Variants in FAAH2 observed in about 807,000 individuals in gnomAD.
FAAH2 encodes fatty acid amide hydrolase 2, also known as fatty-acid amide hydrolase 2.
FAAH2 carries 60 observed loss-of-function variants against 36.9 expected under a neutral mutation model. The observed-to-expected ratio is 1.63, with a 90% CI of 1.32 to 2.02. The LOEUF is 2.02. Among genes scored for constraint, FAAH2 ranks in the 30% most tolerant of loss-of-function variants. The pLI, the probability that FAAH2 is intolerant of heterozygous loss-of-function variation, is 0.00. For missense variants in FAAH2, 689 were observed against 397.5 expected (o/e 1.73, Z -6.23); for synonymous variants, 214 against 143.8 (o/e 1.49, Z -3.49).
chrX:57,204,211 C>A, the FAAH2 span, among the ~76,000 whole-genome samples: 1 of 111,408 alleles, frequency 9.0e-6, no homozygotes, highest in Non-Finnish European at 1.9e-5. Context: ...AGGTCCAAAT[C>A]TGTTTACAAA....
rs1401690162 is a variant in FAAH2 at position 57,400,267 on chromosome X, A to T, written c.996+19238A>T. 6.3e-5 allele frequency among the ~76,000 whole-genome samples: 7 copies of T among 111,969 alleles called. No individual in the cohort carries two copies. The East Asian group carries it at 2.0e-3, about 31-fold the overall frequency. On this transcript the variant is annotated intron_variant, in intron 7 of 10. Transcript: ENST00000374900. ...CACAGTAAGATCTCTTCCCTGTGTC[A>T]TTTTAACTGCTTCAGATACTGAGAC...
At chrX:57,164,759 C>G in the FAAH2 span, among the ~76,000 whole-genome samples, 3 of 112,591 alleles carry the variant, frequency 2.7e-5, no homozygotes, top group Admixed American at 2.8e-4. Flanking sequence ...ATTAAATAAA[C>G]ACACATTTTG....
the FAAH2 span, among the ~76,000 whole-genome samples, chrX:57,271,213 T>A: frequency 8.9e-6 from 1 of 112,657 alleles, no homozygotes; most frequent in Non-Finnish European, 1.9e-5. Context: ...AAACAAAGCT[T>A]CTGGGAAGTT....
chrX:57,203,513 G>T, the FAAH2 span, among the ~76,000 whole-genome samples: 3 of 111,647 alleles, frequency 2.7e-5, no homozygotes, highest in Non-Finnish European at 5.6e-5. Context: ...CAGATTTGAG[G>T]ACCTGTTCCC....
chrX:57,414,342 G>T (rs1165537664), intron 7 of FAAH2, among the ~76,000 whole-genome samples: 1 of 111,895 alleles, frequency 8.9e-6, no homozygotes, highest in African/African-American at 3.2e-5. Context: ...GTATGATATT[G>T]GCTGTGGGTT....
At chrX:57,389,129 C>T (rs766576480) in intron 7 of FAAH2, among the ~76,000 whole-genome samples, 93 of 105,580 alleles carry the variant, frequency 8.8e-4, no homozygotes, top group African/African-American at 3.0e-3. Flanking sequence ...ACACAATATA[C>T]TTTGCTTTGT....
chrX:57,132,284 A>G, the FAAH2 span, among the ~76,000 whole-genome samples: 8 of 112,082 alleles, frequency 7.1e-5, no homozygotes, highest in African/African-American at 2.6e-4. Context: ...TTCCGATATA[A>G]TGGCTATGAG....
chrX:57,290,026 G>A (rs770232921), intron 1 of FAAH2, among the ~76,000 whole-genome samples: 8 of 111,504 alleles, frequency 7.2e-5, no homozygotes, highest in African/African-American at 2.6e-4. Context: ...TGTGACTTTG[G>A]TTAAGTCACT....
In FAAH2 at chrX:57,368,679, A is replaced by G. The variant is rs1405902517; in HGVS notation, c.743-9972A>G. Among the ~76,000 whole-genome samples the G allele has an allele frequency of 2.7e-5, 3 of 111,437 alleles. No individual in the cohort carries two copies. In the East Asian group the frequency reaches 8.5e-4, roughly 32 times the overall value. On this transcript the variant is annotated intron_variant, in intron 5 of 10. Coordinates refer to ENST00000374900, the MANE Select transcript of FAAH2 (RefSeq NM_174912.4). ...TGCACTCACTGGAATCAAAGCCAGC[A>G]TGCTCTACCCAATCAAGCCCTAGGA...
intron 10 of FAAH2, among the ~76,000 whole-genome samples, chrX:57,465,295 A>G (rs2057029629): frequency 9.0e-6 from 1 of 111,688 alleles, no homozygotes; most frequent in African/African-American, 3.2e-5. Flanking sequence ...CATATGGAGA[A>G]TTCCAGAACG....
chrX:57,192,347 T>C, the FAAH2 span, among the ~76,000 whole-genome samples: 6 of 112,028 alleles, frequency 5.4e-5, no homozygotes, highest in Admixed American at 4.7e-4. Flanking sequence ...TAGTTTTTTT[T>C]TGTGGCATCT....
chrX:57,127,650 G>A, the FAAH2 span, among the ~76,000 whole-genome samples: 2 of 111,414 alleles, frequency 1.8e-5, no homozygotes, highest in Non-Finnish European at 1.9e-5. Context: ...AATTAGTATG[G>A]TTTACTGCAA....
the FAAH2 span, among the ~76,000 whole-genome samples, chrX:57,204,348 G>A: frequency 9.0e-6 from 1 of 111,142 alleles, no homozygotes; most frequent in Non-Finnish European, 1.9e-5. Context: ...AGCCAAGGTT[G>A]ATAAATATAC....
chrX:57,130,670 T>C, the FAAH2 span, among the ~76,000 whole-genome samples: 1 of 112,402 alleles, frequency 8.9e-6, no homozygotes, highest in African/African-American at 3.2e-5. Context: ...TATAGTTTAC[T>C]TCCTTCAAGA....
chrX:57,460,370 G>T (rs1004863350), intron 10 of FAAH2, among the ~76,000 whole-genome samples: 1 of 111,369 alleles, frequency 9.0e-6, no homozygotes, highest in Non-Finnish European at 1.9e-5. Context: ...ATTCTCCAAA[G>T]TTGAAAGGCT....
At position 57,338,549 on chromosome X, in the gene FAAH2, G is replaced by A. The variant is rs750745361; in HGVS notation, c.623-2722G>A. ...CAGGGGATGCGATGGCTTGGCTTGG[G>A]CTCAGAGGCCTGACACTCAGGATAC... On this transcript the variant is annotated intron_variant, in intron 4 of 10. Coordinates refer to ENST00000374900, the MANE Select transcript of FAAH2 (RefSeq NM_174912.4). 1.1e-4 allele frequency among the ~76,000 whole-genome samples: 12 copies of A among 111,559 alleles called. No individual in the cohort carries two copies. In the South Asian group the frequency reaches 4.2e-3, roughly 39 times the overall value.
At chrX:57,387,787 T>C (rs971480517) in intron 7 of FAAH2, among the ~76,000 whole-genome samples, 1 of 111,361 alleles carries the variant, frequency 9.0e-6, no homozygotes, top group African/African-American at 3.3e-5. Context: ...TAATCTGTCA[T>C]TGCATAAATT....
At chrX:57,482,228 C>T (rs1241605844) in intron 10 of FAAH2, among the ~76,000 whole-genome samples, 3 of 111,482 alleles carry the variant, frequency 2.7e-5, no homozygotes, top group African/African-American at 9.8e-5. Flanking sequence ...GCTTCAGACC[C>T]CTTTCCAGGA....
rs143493140 is a variant in FAAH2 at position 57,369,582 on chromosome X, T to G, written c.743-9069T>G. 5.9e-3 allele frequency among the ~76,000 whole-genome samples: 656 copies of G among 111,463 alleles called. 5 individuals are homozygous for G. Among genetic ancestry groups the G allele is most frequent in the African/African-American group, 0.021 (634 of 30,725 alleles). On this transcript the variant is annotated intron_variant, in intron 5 of 10. Coordinates refer to ENST00000374900, the MANE Select transcript of FAAH2 (RefSeq NM_174912.4). ...GATGGTATATCAAAGTGCTGGGGAA[T>G]AAATTGAGGTAAAAATGCCATACCC...
Sources: allele counts gnomAD v4.1 joint callset (sites outside exome capture counted in the v4.1 genomes callset), GRCh38; gene constraint gnomAD v4.1.1; transcripts MANE v1.5; gene names NCBI Gene and HGNC (gene_info 2026-07-23, HGNC 2026-07-21).